The following TPP1 variants were observed in gnomAD, a reference collection of about 807,000 sequenced individuals.
TPP1 encodes the protein tripeptidyl-peptidase 1.
Under a neutral mutation model 67.6 loss-of-function variants are expected in TPP1, and 43 were observed. That is an observed-to-expected ratio of 0.64 (90% CI 0.50 to 0.82). The LOEUF is 0.82. Ranked by LOEUF, TPP1 falls within the 40% of genes least tolerant of loss-of-function variation. The pLI, the probability that TPP1 is intolerant of heterozygous loss-of-function variation, is 0.00. For missense variants in TPP1, 671 were observed against 710.9 expected (o/e 0.94, Z 0.64); for synonymous variants, 272 against 281.5 (o/e 0.97, Z 0.34).
Position 6,615,348 on chromosome 11 carries a change from T to C in TPP1, c.1267-19A>G. On this transcript the variant is annotated intron_variant, in intron 10 of 12. Transcript: ENST00000299427. ...CTTCCTCCTGAAAGGCATTTTTGAG[T>C]GAGTATTGGCATGTGGCCTGCCCAG... 1 of 1,614,060 alleles carries C rather than the reference T, an allele frequency of 6.2e-7. No homozygotes were observed. Among genetic ancestry groups the C allele is most frequent in the Non-Finnish European group, 8.5e-7 (1 of 1,180,002 alleles).
Position 6,615,001 on chromosome 11 carries a change from T to A in TPP1, c.1426-10A>T, listed in dbSNP as rs200965587. 2.4e-5 allele frequency: 39 copies of A among 1,613,532 alleles called. No homozygotes were observed. The African/African-American group carries it at 4.8e-4, about 20-fold the overall frequency. On this transcript the variant is annotated splice_polypyrimidine_tract_variant and intron_variant, in intron 11 of 12. Transcript: ENST00000299427. The stretch of plus-strand genomic sequence containing the variant: ...ACACTGGAGTAGAGGCCTACAAGAG[T>A]GAAGGTGCAAGTAGAGGTCAGGGGT...
chr11:6,618,574 G>C lies in TPP1; in HGVS notation c.229+202C>G, dbSNP rs992074146. The C allele has an allele frequency of 1.5e-5, 10 of 682,710 alleles. No homozygotes were observed. In the African/African-American group the frequency reaches 1.6e-4, roughly 11 times the overall value. The allele number at this position is 682,710 out of a possible 1,614,324, so 42.3% of individuals were successfully genotyped here. On this transcript the variant is annotated intron_variant, in intron 3 of 12. Coordinates refer to ENST00000299427, the MANE Select transcript of TPP1 (RefSeq NM_000391.4). Reference sequence around the variant, plus strand: ...GGAACGTAAGTTGTACTAGATGCCTGGTAGCTAGTAAGTAGCAGAGTCAGA... The same window carrying C: ...GGAACGTAAGTTGTACTAGATGCCTCGTAGCTAGTAAGTAGCAGAGTCAGA...
Position 6,616,697 on chromosome 11 carries a change from C to G in TPP1, c.850G>C (p.Gly284Arg). 6.2e-7 allele frequency: 1 copy of G among 1,614,070 alleles called. No homozygotes were observed. Among genetic ancestry groups the G allele is most frequent in the South Asian group, 1.1e-5 (1 of 91,082 alleles). ...SLDVQYLMSAGANISTWVYSS... is the reference protein window; with the variant it reads ...SLDVQYLMSARANISTWVYSS... ...TAGACCCAGGTGGAGATGTTGGCAC[C>G]AGCACTCATCAGGTACTGCACATCT... is the stretch of plus-strand genomic sequence containing the variant. Residue 284 changes from glycine to arginine, a missense_variant, in exon 7 of 13, where the codon GGT (glycine) becomes CGT (arginine). Transcript: ENST00000299427.
At chr11:6,616,900 G>T in intron 6 of TPP1, 41 bp from the exon 7 acceptor site, 1 of 1,614,036 alleles carries the variant, frequency 6.2e-7, no homozygotes, top group Non-Finnish European at 8.5e-7. Flanking sequence ...GTCCGAGGGT[G>T]AGTCCCAGGG....
Position 6,616,515 on chromosome 11 carries a change from T to C in TPP1, c.887-12A>G. The stretch of plus-strand genomic sequence containing the variant: ...TCCCTCATGCCGGCCTGGATTTTTT[T>C]TTTTTTTTTTTTTGAGGGATGGGCA... On this transcript the variant is annotated splice_polypyrimidine_tract_variant and intron_variant, in intron 7 of 12. Transcript: ENST00000299427. 6.4e-7 allele frequency: 1 copy of C among 1,552,870 alleles called. No individual in the cohort carries two copies. The highest frequency in any genetic ancestry group is 2.4e-5 in the East Asian group (1 of 42,180).
At chr11:6,618,405 C>A in intron 3 of TPP1, 1 of 465,604 alleles carries the variant, frequency 2.1e-6, no homozygotes, top group Non-Finnish European at 3.9e-6. Flanking sequence ...GGGCAGTAGT[C>A]CAGGAGTGGG....
chr11:6,617,520 A>G, intron 4 of TPP1, 92 bp from the exon 5 acceptor site: 5 of 1,612,950 alleles, frequency 3.1e-6, no homozygotes, highest in East Asian at 2.2e-5. Context: ...CTGTCTCCCC[A>G]TGCATTAGCT....
chr11:6,616,347 G>T lies in TPP1; in HGVS notation c.1043C>A (p.Ala348Asp), dbSNP rs370144405. ...QRVNTELMKA[A>D]ARGLTLLFAS... Reference sequence around the variant, plus strand: ...GAAGAGCAGGGTGAGACCCCGAGCGGCAGCCTTCATGAGCTCAGTGTTGAC... The same window carrying T: ...GAAGAGCAGGGTGAGACCCCGAGCGTCAGCCTTCATGAGCTCAGTGTTGAC... The change falls in exon 8 of 13, where the codon GCC (alanine) becomes GAC (aspartate). Residue 348 changes from alanine to aspartate, a missense_variant. Transcript: ENST00000299427. 3.7e-6 allele frequency: 6 copies of T among 1,613,468 alleles called. No individual in the cohort carries two copies. The African/African-American group carries it at 6.7e-5, about 18-fold the overall frequency.
chr11:6,616,173 T>G (rs1855578631), intron 8 of TPP1, 99 bp from the exon 9 acceptor site: 1 of 1,578,686 alleles, frequency 6.3e-7, no homozygotes, highest in Non-Finnish European at 8.7e-7. Flanking sequence ...GAGGTCAGAG[T>G]GTAGAGGTCA....
intron 8 of TPP1, 96 bp from the exon 9 acceptor site, chr11:6,616,170 G>C (rs898114927): frequency 6.3e-7 from 1 of 1,577,934 alleles, no homozygotes; most frequent in Admixed American, 1.7e-5. Flanking sequence ...TAGGAGGTCA[G>C]AGTGTAGAGG....
At chr11:6,618,725 C>T (rs1396367915) in intron 3 of TPP1, 51 bp downstream of exon 3, 25 of 1,610,030 alleles carry the variant, frequency 1.6e-5, no homozygotes, top group Non-Finnish European at 2.1e-5. Flanking sequence ...CCAACCCAGC[C>T]CTGTGTCCCT....
chr11:6,615,118 T>A, intron 11 of TPP1, 53 bp downstream of exon 11: 1 of 1,613,924 alleles, frequency 6.2e-7, no homozygotes. Context: ...TTCAAGGTGT[T>A]AGGGGGTAAG....
In TPP1 at chr11:6,615,990, G is replaced by T. The variant is rs759879323; in HGVS notation, c.1145+15C>A. ...AGGTGGTGGTTATACCTGAGTGGTA[G>T]GCTAGAGTACTTACCTGGAGGCAGG... On this transcript the variant is annotated intron_variant, in intron 9 of 12. Transcript: ENST00000299427. The T allele has an allele frequency of 1.9e-6, 3 of 1,613,986 alleles. No individual in the cohort carries two copies. The highest frequency in any genetic ancestry group is 2.2e-5 in the East Asian group (1 of 44,888).
intron 3 of TPP1, 81 bp downstream of exon 3, chr11:6,618,695 A>G: frequency 6.3e-7 from 1 of 1,587,926 alleles, no homozygotes; most frequent in South Asian, 1.1e-5. Flanking sequence ...GCAGGCTCTG[A>G]CATGATCGCC....
In TPP1 at chr11:6,615,483, CACT is replaced by C. The variant is rs1474804613; in HGVS notation, c.1222_1224del (p.Ser408del). The stretch of plus-strand genomic sequence containing the variant: ...GGGAACACATTGCTGAAGCCACCAC[CACT>C]GATATAGTCAACAATTTCATTTGTG... On this transcript the variant is annotated inframe_deletion, in exon 10 of 13. Coordinates refer to ENST00000299427, the MANE Select transcript of TPP1 (RefSeq NM_000391.4). The C allele has an allele frequency of 1.2e-6, 2 of 1,614,062 alleles. No homozygotes were observed. Among genetic ancestry groups the C allele is most frequent in the African/African-American group, 1.3e-5 (1 of 74,900 alleles).
rs1336321051 is a variant in TPP1 at position 6,616,493 on chromosome 11, C to T, written c.897G>A (p.Glu299=). The T allele has an allele frequency of 1.9e-6, 3 of 1,602,480 alleles. No homozygotes were observed. The highest frequency in any genetic ancestry group is 1.1e-5 in the South Asian group (1 of 90,534). The change falls in exon 8 of 13, where the codon GAG becomes GAA. Residue 299 remains glutamate (E), a synonymous_variant. Transcript: ENST00000299427. ...TWVYSSPGRH[E]GQEPFLQWLM... ...GCCACTGCAGGAAGGGCTCCTGTCC[C>T]TCATGCCGGCCTGGATTTTTTTTTT...
intron 7 of TPP1, 51 bp from the exon 8 acceptor site, chr11:6,616,554 T>C: frequency 6.3e-7 from 1 of 1,589,138 alleles, no homozygotes. Context: ...AGATAGTCAC[T>C]GGGGGTTGTC....
intron 1 of TPP1, 44 bp downstream of exon 1, chr11:6,619,340 C>T (rs1855635051): frequency 2.5e-6 from 4 of 1,614,058 alleles, no homozygotes; most frequent in Non-Finnish European, 3.4e-6. Flanking sequence ...ATGTGTGCTC[C>T]CTCCAACGTG....
At chr11:6,615,121 G>C (rs1265428623) in intron 11 of TPP1, 50 bp downstream of exon 11, 9 of 1,614,044 alleles carry the variant, frequency 5.6e-6, no homozygotes, top group South Asian at 2.2e-5. Context: ...AAGGTGTTAG[G>C]GGGTAAGGGT....
Sources: gnomAD v4.1 joint callset for allele counts on GRCh38, gnomAD v4.1.1 for gene constraint, MANE v1.5 for transcripts, NCBI Gene and HGNC (gene_info 2026-07-23, HGNC 2026-07-21) for gene names.